Variants in PWP1 observed in about 807,000 individuals in gnomAD.
PWP1 encodes PWP1 homolog, endonuclein, also known as periodic tryptophan protein 1 homolog.
PWP1 carries 47 observed loss-of-function variants against 69.9 expected under a neutral mutation model. That is an observed-to-expected ratio of 0.67 (90% CI 0.53 to 0.86). The LOEUF (loss-of-function observed/expected upper bound fraction) is 0.86. Ranked by LOEUF, PWP1 falls within the 40% of genes least tolerant of loss-of-function variation. The pLI is 0.00. For missense variants in PWP1, 551 were observed against 608.8 expected (o/e 0.91, Z 1.00); for synonymous variants, 222 against 208.2 (o/e 1.07, Z -0.57).
chr12:107,691,489 T>C (rs763610619), intron 3 of PWP1, among the ~76,000 whole-genome samples: 1 of 152,230 alleles, frequency 6.6e-6, no homozygotes, highest in African/African-American at 2.4e-5. Flanking sequence ...GGTTGGCAGA[T>C]AGGGTGAATC....
At position 107,712,552 on chromosome 12, in the gene PWP1, G is replaced by A. The variant is rs569982737; in HGVS notation, c.*332G>A. The A allele has an allele frequency of 4.0e-5, 7 of 175,156 alleles. No homozygotes were observed. The South Asian group carries it at 7.3e-4, about 18-fold the overall frequency. The allele number at this position is 175,156 out of a possible 1,614,324, so 10.9% of individuals were successfully genotyped here. On this transcript the variant is annotated 3_prime_UTR_variant, in exon 15 of 15. Coordinates refer to ENST00000412830, the MANE Select transcript of PWP1 (RefSeq NM_007062.3). Reference sequence around the variant, plus strand: ...TAGAATTTTTAAAGCGTAAAATCCGGTAATATTAAAAGATAGGTAAACCTA... The same window carrying A: ...TAGAATTTTTAAAGCGTAAAATCCGATAATATTAAAAGATAGGTAAACCTA...
chr12:107,694,548 G>T (rs748033317), intron 5 of PWP1, among the ~76,000 whole-genome samples: 5 of 152,130 alleles, frequency 3.3e-5, no homozygotes, highest in Non-Finnish European at 5.9e-5. Context: ...ATCTGTTTAT[G>T]CATAGCAGGC....
chr12:107,701,629 G>A (rs1190660282), intron 8 of PWP1, among the ~76,000 whole-genome samples: 1 of 151,812 alleles, frequency 6.6e-6, no homozygotes, highest in Admixed American at 6.6e-5. Context: ...GTGAGGTAGG[G>A]GTCCAACTTC....
intron 13 of PWP1, among the ~76,000 whole-genome samples, chr12:107,709,936 C>T (rs531509668): frequency 6.6e-6 from 1 of 152,154 alleles, no homozygotes; most frequent in African/African-American, 2.4e-5. Flanking sequence ...CCGTGGTTAC[C>T]TCCCTGAGAG....
At chr12:107,712,020 C>G in intron 14 of PWP1, 91 bp from the exon 15 acceptor site, 6 of 1,011,716 alleles carry the variant, frequency 5.9e-6, no homozygotes, top group Non-Finnish European at 9.2e-6. Flanking sequence ...TTATAAAGTA[C>G]TAAGTGCACA....
In PWP1 at chr12:107,709,096, C is replaced by G. The variant is rs1346553687; in HGVS notation, c.1169-15C>G. On this transcript the variant is annotated splice_polypyrimidine_tract_variant and intron_variant, in intron 12 of 14. Coordinates refer to ENST00000412830, the MANE Select transcript of PWP1 (RefSeq NM_007062.3). ...GTATTTCAAAGCGAAAGTGTCTAAA[C>G]TTATCTTCCTTTAGGTCTTGATCTT... The G allele has an allele frequency of 6.2e-7, 1 of 1,613,728 alleles. No individual in the cohort carries two copies. The highest frequency in any genetic ancestry group is 8.5e-7 in the Non-Finnish European group (1 of 1,179,868).
rs750294298 is a variant in PWP1, at chr12:107,697,531, C to T, written c.678C>T (p.Asp226=). 6.2e-7 allele frequency: 1 copy of T among 1,609,230 alleles called. No individual in the cohort carries two copies. Residue 226 remains aspartate (D), a synonymous_variant, in exon 7 of 15, where the codon GAC becomes GAT. Coordinates refer to ENST00000412830, the MANE Select transcript of PWP1 (RefSeq NM_007062.3). ...VIEVWDLDIV[D]SLEPVFTLGS... ...AAGTGTGGGACCTTGATATAGTGGA[C>T]TCTTTAGAGCCAGTCTTCACACTCG...
intron 3 of PWP1, 113 bp from the exon 4 acceptor site, chr12:107,692,701 G>C (rs1889502089): frequency 5.7e-6 from 5 of 879,466 alleles, no homozygotes; most frequent in Non-Finnish European, 8.7e-6. Context: ...AGATGATCCA[G>C]AGTTAGTTAT....
rs1194009808 is a variant in PWP1 at position 107,696,461 on chromosome 12, C to T, written c.503-13C>T. The T allele has an allele frequency of 6.2e-7, 1 of 1,608,204 alleles. No homozygotes were observed. The highest frequency in any genetic ancestry group is 8.5e-7 in the Non-Finnish European group (1 of 1,178,294). ...TTCTGATACATTAAAGTCTCTTTTC[C>T]CAATCTTTTCAGTTTATAATCAAGA... On this transcript the variant is annotated splice_polypyrimidine_tract_variant and intron_variant, in intron 5 of 14. Transcript: ENST00000412830.
chr12:107,701,248 C>G (rs1258651760), intron 8 of PWP1, among the ~76,000 whole-genome samples: 1 of 152,146 alleles, frequency 6.6e-6, no homozygotes, highest in African/African-American at 2.4e-5. Flanking sequence ...CCACCTCAGC[C>G]TCCCAAAGTG....
chr12:107,696,415 G>T, intron 5 of PWP1, 59 bp from the exon 6 acceptor site: 1 of 1,586,670 alleles, frequency 6.3e-7, no homozygotes, highest in Admixed American at 1.8e-5. Context: ...TTTTGAGCGG[G>T]ATGTGATTTT....
chr12:107,709,222 A>G lies in PWP1; in HGVS notation c.1280A>G (p.Asp427Gly). 6.2e-7 allele frequency: 1 copy of G among 1,613,110 alleles called. No homozygotes were observed. The highest frequency in any genetic ancestry group is 8.5e-7 in the Non-Finnish European group (1 of 1,179,378). ...GDRPSLVHSR[D>G]MKMGVLFCSS... is the part of the protein sequence containing the mutation. ...AGGCCAAGTCTAGTTCATTCTAGGGACATGAAAATGGTAAGAATCTCCCTG... is the reference window on the plus strand; with the variant it reads ...AGGCCAAGTCTAGTTCATTCTAGGGGCATGAAAATGGTAAGAATCTCCCTG... Residue 427 changes from aspartate to glycine, a missense_variant, in exon 13 of 15, where the codon GAC (aspartate) becomes GGC (glycine). Coordinates refer to ENST00000412830, the MANE Select transcript of PWP1 (RefSeq NM_007062.3).
intron 1 of PWP1, 137 bp from the exon 2 acceptor site, chr12:107,688,311 C>G (rs1889413450): frequency 1.6e-6 from 1 of 639,376 alleles, no homozygotes; most frequent in African/African-American, 1.8e-5. Context: ...AATATAGAGT[C>G]TGGATTGATG....
At chr12:107,705,478 G>A (rs1009519045) in intron 11 of PWP1, among the ~76,000 whole-genome samples, 4 of 150,406 alleles carry the variant, frequency 2.7e-5, no homozygotes, top group Non-Finnish European at 4.4e-5. Context: ...CCATTAACTT[G>A]TCATTTACAT....
rs1335714631 is a variant in PWP1 at position 107,697,448 on chromosome 12, GCATT to G, written c.614-18_614-15del. 2 of 1,562,372 alleles carry G rather than the reference GCATT, an allele frequency of 1.3e-6. No homozygotes were observed. Among genetic ancestry groups the G allele is most frequent in the African/African-American group, 1.4e-5 (1 of 72,358 alleles). On this transcript the variant is annotated splice_polypyrimidine_tract_variant and intron_variant, in intron 6 of 14. Transcript: ENST00000412830. Reference sequence around the variant, plus strand: ...TGTCTTTTTTTGTGTAATCATACATGCATTGTTTCCTCCCATAGGAAATTACATT... The same window carrying G: ...TGTCTTTTTTTGTGTAATCATACATGGTTTCCTCCCATAGGAAATTACATT...
rs777685782 is a variant in PWP1 at position 107,688,677 on chromosome 12, G to A, written c.194G>A (p.Ser65Asn). The A allele has an allele frequency of 5.0e-6, 8 of 1,614,218 alleles. No individual in the cohort carries two copies. The highest frequency in any genetic ancestry group is 6.8e-6 in the Non-Finnish European group (8 of 1,180,018). ...TGSPSEDGMQ[S>N]ARTQARPREP... The stretch of plus-strand genomic sequence containing the variant: ...AGTCCTTCAGAAGATGGCATGCAGA[G>A]TGCACGCACCCAGGCACGCCCAAGA... Residue 65 changes from serine to asparagine, a missense_variant, in exon 3 of 15, where the codon AGT becomes AAT. By Grantham distance (46) the Ser-to-Asn change is conservative (BLOSUM62 1). Transcript: ENST00000412830.
At chr12:107,704,044 T>G (rs1593147747) in intron 10 of PWP1, among the ~76,000 whole-genome samples, 1 of 152,210 alleles carries the variant, frequency 6.6e-6, no homozygotes, top group Non-Finnish European at 1.5e-5. Flanking sequence ...TAGGGAGACA[T>G]GAAGAACTGG....
At chr12:107,686,085 G>A in intron 1 of PWP1, 114 bp downstream of exon 1, 2 of 1,168,410 alleles carry the variant, frequency 1.7e-6, no homozygotes, top group Non-Finnish European at 2.5e-6. Flanking sequence ...GCGACTGGCT[G>A]GGGTGAGGGC....
chr12:107,687,637 G>A (rs771756352), intron 1 of PWP1, among the ~76,000 whole-genome samples: 5 of 152,106 alleles, frequency 3.3e-5, no homozygotes, highest in Non-Finnish European at 5.9e-5. Flanking sequence ...GCGGTGGCTC[G>A]TGCCTGTAAT....
Sources: gnomAD v4.1 joint callset for allele counts (sites outside exome capture counted in the v4.1 genomes callset) on GRCh38, gnomAD v4.1.1 for gene constraint, MANE v1.5 for transcripts, NCBI Gene and HGNC (gene_info 2026-07-23, HGNC 2026-07-21) for gene names.